QRICH1: variants seen among roughly 807,000 people sequenced by gnomAD.
The protein encoded by QRICH1 is transcriptional regulator QRICH1.
Under a neutral mutation model 87.1 loss-of-function variants are expected in QRICH1, and 16 were observed. That is an observed-to-expected ratio of 0.18 (90% CI 0.12 to 0.28). The LOEUF (loss-of-function observed/expected upper bound fraction) is 0.28, where lower values mean the gene tolerates loss of function less well. Among genes scored for constraint, QRICH1 ranks in the 10% least tolerant of loss-of-function variants. The probability of loss-of-function intolerance (pLI) is 1.00; values close to 1 mark genes in which losing one functional copy is unlikely to be tolerated. For synonymous variants in QRICH1, 367 were observed against 368.4 expected, an observed-to-expected ratio of 1.00 and a Z score of 0.05; for missense variants, 647 against 951.7, an observed-to-expected ratio of 0.68 and a Z score of 4.21.
chr3:49,035,823 G>A (rs985774872), intron 6 of QRICH1, among the ~76,000 whole-genome samples: 1 of 150,808 alleles, frequency 6.6e-6, no homozygotes, highest in Non-Finnish European at 1.5e-5. Flanking sequence ...TGGCTCATGG[G>A]TGTAACCTTG....
At position 49,029,758 on chromosome 3, in the gene QRICH1, A is replaced by T; in HGVS notation, c.*694T>A. The T allele has an allele frequency of 6.4e-6, 2 of 311,080 alleles. No individual in the cohort carries two copies. Among genetic ancestry groups the T allele is most frequent in the South Asian group, 5.8e-5 (2 of 34,652 alleles). 19.3% of individuals were successfully genotyped at this position (311,080 alleles called of 1,614,324 possible). Reference sequence around the variant, plus strand: ...TAATAAACAACTAGAGTAAGAATACATAAGAGAAACAGAGTGGTATCTTTA... The same window carrying T: ...TAATAAACAACTAGAGTAAGAATACTTAAGAGAAACAGAGTGGTATCTTTA... On this transcript the variant is annotated 3_prime_UTR_variant, in exon 10 of 10. Transcript: ENST00000395443.
At chr3:49,061,647 G>A (rs1272883028) in intron 2 of QRICH1, among the ~76,000 whole-genome samples, 1 of 152,120 alleles carries the variant, frequency 6.6e-6, no homozygotes, top group African/African-American at 2.4e-5. Flanking sequence ...GAGGTCAGGA[G>A]TTTGAGACCA....
At position 49,093,927 on chromosome 3, in the gene QRICH1, C is replaced by T. The variant is rs2042331219; in HGVS notation, c.-37G>A. 4 of 377,030 alleles carry T rather than the reference C, an allele frequency of 1.1e-5. No individual in the cohort carries two copies. The highest frequency in any genetic ancestry group is 1.4e-5 in the Non-Finnish European group (3 of 214,316). 23.4% of individuals were successfully genotyped at this position (377,030 alleles called of 1,614,324 possible). On this transcript the variant is annotated 5_prime_UTR_variant, in exon 1 of 10. Transcript: ENST00000395443. The stretch of plus-strand genomic sequence containing the variant: ...GAGCCCTCACCCGGCGACGTCACTG[C>T]CGCCGCCGCCGCCGCCTCCGCTGCA...
At chr3:49,064,049 G>C (rs1013392858) in intron 2 of QRICH1, among the ~76,000 whole-genome samples, 3 of 151,838 alleles carry the variant, frequency 2.0e-5, no homozygotes, top group African/African-American at 7.3e-5. Context: ...TGGGATTACA[G>C]GCATGCGCCA....
intron 7 of QRICH1, 162 bp from the exon 8 acceptor site, chr3:49,032,935 G>T: frequency 1.0e-6 from 1 of 978,302 alleles, no homozygotes; most frequent in Non-Finnish European, 1.5e-6. Context: ...CATCAAGATG[G>T]ATGGTAGGGG....
Position 49,033,206 on chromosome 3 carries a change from C to A in QRICH1, c.1809G>T (p.Val603=). ...TPLGYVLPSH[V]TEEMLWECKQ... ...TGCACTCCCATAGCATCTCCTCAGT[C>A]ACGTGGCTGGGCAAGACATAGCCTA... Residue 603 remains valine, a synonymous_variant, in exon 7 of 10, where the codon GTG becomes GTT. Transcript: ENST00000395443. 1 of 1,575,678 alleles carries A rather than the reference C, an allele frequency of 6.3e-7. No individual in the cohort carries two copies. Among genetic ancestry groups the A allele is most frequent in the Non-Finnish European group, 8.6e-7 (1 of 1,162,988 alleles).
chr3:49,090,312 A>G (rs746173039), intron 1 of QRICH1, among the ~76,000 whole-genome samples: 61 of 152,348 alleles, frequency 4.0e-4, no homozygotes, highest in Non-Finnish European at 8.5e-4. Flanking sequence ...ACAAAAAATT[A>G]GCCGGGCATG....
chr3:49,045,582 C>T (rs1368711391), intron 5 of QRICH1, among the ~76,000 whole-genome samples: 4 of 151,580 alleles, frequency 2.6e-5, no homozygotes, highest in African/African-American at 9.7e-5. Context: ...AGGTGTGTGC[C>T]ACCACACCCA....
rs535467246 is a variant in QRICH1, at chr3:49,059,715, C to T, written c.310-1825G>A. Among the ~76,000 whole-genome samples the T allele has an allele frequency of 1.1e-4, 17 of 150,822 alleles. No homozygotes were observed. In the East Asian group the frequency reaches 1.8e-3, roughly 16 times the overall value. On this transcript the variant is annotated intron_variant, in intron 2 of 9. Coordinates refer to ENST00000395443, the MANE Select transcript of QRICH1 (RefSeq NM_198880.3). The stretch of plus-strand genomic sequence containing the variant: ...GGGATTACAGGCTTGAGCCACCATG[C>T]CTAGCCTTATTTATTTATTTTCTGA...
rs570517622 is a variant in QRICH1, at chr3:49,043,979, GA to G, written c.1786+410del. Among the ~76,000 whole-genome samples, 5 of 152,202 alleles carry G rather than the reference GA, an allele frequency of 3.3e-5. No individual in the cohort carries two copies. The South Asian group carries it at 8.3e-4, about 25-fold the overall frequency. On this transcript the variant is annotated intron_variant, in intron 6 of 9. Coordinates refer to ENST00000395443, the MANE Select transcript of QRICH1 (RefSeq NM_198880.3). ...ACATACCAAGACCATGTTTTTTTAAGAACAAACAAAGAAAAACACTGAATAA... is the reference window on the plus strand; with the variant it reads ...ACATACCAAGACCATGTTTTTTTAAGACAAACAAAGAAAAACACTGAATAA...
intron 1 of QRICH1, among the ~76,000 whole-genome samples, chr3:49,083,904 C>G (rs929031994): frequency 6.6e-6 from 1 of 151,458 alleles, no homozygotes; most frequent in Non-Finnish European, 1.5e-5. Context: ...CAGGTTCAAG[C>G]GATTCTCCTG....
Position 49,030,311 on chromosome 3 carries a change from T to C in QRICH1, c.*141A>G, listed in dbSNP as rs745659759. ...GCAAAGGGGGCAAAGTTTTCTTTTA[T>C]ATTTTAAACAGAAGCAGCCTGAAAG... is the stretch of plus-strand genomic sequence containing the variant. On this transcript the variant is annotated 3_prime_UTR_variant, in exon 10 of 10. Transcript: ENST00000395443. 7.8e-5 allele frequency: 62 copies of C among 797,360 alleles called. No homozygotes were observed. Among genetic ancestry groups the C allele is most frequent in the Non-Finnish European group, 1.1e-4 (57 of 528,176 alleles). The allele number at this position is 797,360 out of a possible 1,614,324, so 49.4% of individuals were successfully genotyped here. A position where few individuals can be genotyped will look rare whatever the true frequency, so the allele number is the denominator to read the frequency against.
At position 49,049,741 on chromosome 3, in the gene QRICH1, G is replaced by A. The variant is rs188981727; in HGVS notation, c.1339-2495C>T. Among the ~76,000 whole-genome samples, 1,389 of 151,662 alleles carry A rather than the reference G, an allele frequency of 9.2e-3. 9 individuals are homozygous for A. Among genetic ancestry groups the A allele is most frequent in the Admixed American group, 0.02 (301 of 15,258 alleles). ...TCAAACTCCCGACCTCAGGTGATCCGTCTGCCTTGGCCTCCCAAAGTGCTG... is the reference window on the plus strand; with the variant it reads ...TCAAACTCCCGACCTCAGGTGATCCATCTGCCTTGGCCTCCCAAAGTGCTG... On this transcript the variant is annotated intron_variant, in intron 3 of 9. Transcript: ENST00000395443.
intron 1 of QRICH1, among the ~76,000 whole-genome samples, chr3:49,082,573 T>C (rs111494817): frequency 0.057 from 8,613 of 151,144 alleles, 347 homozygotes; most frequent in Non-Finnish European, 0.09. Context: ...ACCATCAAAA[T>C]CCATTCTTTA....
At chr3:49,073,132 C>T (rs1320954710) in intron 2 of QRICH1, among the ~76,000 whole-genome samples, 1 of 152,082 alleles carries the variant, frequency 6.6e-6, no homozygotes. Context: ...TGTTTCAGTC[C>T]CTTTCCTATC....
At chr3:49,083,487 T>C (rs1430712595) in intron 1 of QRICH1, 2 of 151,876 alleles carry the variant, frequency 1.3e-5, no homozygotes, top group Non-Finnish European at 2.9e-5. Context: ...TGTCTGTGGA[T>C]AGCCACAGCA....
chr3:49,037,073 TAAAAAAAAA>T (rs60963227), intron 6 of QRICH1, among the ~76,000 whole-genome samples: 1 of 92,614 alleles, frequency 1.1e-5, no homozygotes, highest in African/African-American at 4.2e-5. Flanking sequence ...CCCCGTCTCT[TAAAAAAAAA>T]AAAAAAAAAA....
intron 2 of QRICH1, among the ~76,000 whole-genome samples, chr3:49,071,383 G>A (rs1462487022): frequency 1.3e-5 from 2 of 152,136 alleles, no homozygotes; most frequent in Admixed American, 6.5e-5. Flanking sequence ...GGGGCCAGGT[G>A]TAATGGCTTG....
At chr3:49,058,578 G>A (rs980352985) in intron 2 of QRICH1, among the ~76,000 whole-genome samples, 3 of 152,048 alleles carry the variant, frequency 2.0e-5, no homozygotes, top group African/African-American at 2.4e-5. Flanking sequence ...CACCCACCTC[G>A]GCCTCCCAAA....
Sources: allele counts gnomAD v4.1 joint callset (sites outside exome capture counted in the v4.1 genomes callset), GRCh38; gene constraint gnomAD v4.1.1; transcripts MANE v1.5; gene names NCBI Gene and HGNC (gene_info 2026-07-23, HGNC 2026-07-21).